DOCK2: variants seen among roughly 807,000 people sequenced by gnomAD.
The protein encoded by DOCK2 is dedicator of cytokinesis protein 2.
Under a neutral mutation model 248.9 loss-of-function variants are expected in DOCK2, and 87 were observed. The observed-to-expected ratio is 0.35, with a 90% CI of 0.29 to 0.42. The LOEUF is 0.42. Among genes scored for constraint, DOCK2 ranks in the 10% least tolerant of loss-of-function variants. DOCK2 has a pLI of 1.00. For missense variants in DOCK2, 1,747 were observed against 2,300.2 expected (o/e 0.76, Z 4.92); for synonymous variants, 805 against 821.6 (o/e 0.98, Z 0.35).
intron 38 of DOCK2, 36 bp downstream of exon 38, chr5:170,042,168 G>A (rs2113844646): frequency 6.4e-7 from 1 of 1,572,458 alleles, no homozygotes; most frequent in Non-Finnish European, 8.6e-7. Context: ...TGGGGACCCT[G>A]GCCACTGGAA....
chr5:169,704,651 G>T (rs1393161535), intron 14 of DOCK2, among the ~76,000 whole-genome samples: 3 of 152,124 alleles, frequency 2.0e-5, no homozygotes, highest in African/African-American at 7.2e-5. Context: ...TGATTGGATT[G>T]TTTATAACAC....
intron 27 of DOCK2, among the ~76,000 whole-genome samples, chr5:169,843,251 C>T (rs186695353): frequency 8.1e-4 from 123 of 152,256 alleles, no homozygotes; most frequent in Non-Finnish European, 3.5e-4. Context: ...CACAAATGTA[C>T]GAAGCTGCTC....
intron 27 of DOCK2, among the ~76,000 whole-genome samples, chr5:169,890,792 CT>C (rs1773236190): frequency 6.6e-6 from 1 of 152,102 alleles, no homozygotes; most frequent in Admixed American, 6.5e-5. Flanking sequence ...CCATGTTTGA[CT>C]TTTTTGCACA....
At chr5:169,775,060 C>T (rs1362397152) in intron 25 of DOCK2, among the ~76,000 whole-genome samples, 1 of 152,174 alleles carries the variant, frequency 6.6e-6, no homozygotes, top group Non-Finnish European at 1.5e-5. Flanking sequence ...AGGCATGAGC[C>T]ACCATGCCTG....
At chr5:169,779,110 A>G (rs891178983) in intron 25 of DOCK2, among the ~76,000 whole-genome samples, 1 of 152,202 alleles carries the variant, frequency 6.6e-6, no homozygotes, top group African/African-American at 2.4e-5. Context: ...CTCTTTAAAC[A>G]AAACTACTCC....
intron 44 of DOCK2, 60 bp from the exon 45 acceptor site, chr5:170,067,450 A>G: frequency 6.5e-7 from 1 of 1,534,296 alleles, no homozygotes; most frequent in South Asian, 1.2e-5. Context: ...TACCAATAAT[A>G]TCTGTTTTTA....
Position 169,914,026 on chromosome 5 carries a change from A to G in DOCK2, c.2800-69042A>G, listed in dbSNP as rs562287098. 2.6e-5 allele frequency among the ~76,000 whole-genome samples: 4 copies of G among 152,330 alleles called. No homozygotes were observed. In the East Asian group the frequency reaches 5.8e-4, roughly 22 times the overall value. ...AGTTTACTAATAGACTTTGATGGAC[A>G]CCCAAAGATGTTTACTAAAGATGCC... On this transcript the variant is annotated intron_variant, in intron 27 of 51. Coordinates refer to ENST00000520908, the MANE Select transcript of DOCK2 (RefSeq NM_004946.3).
intron 27 of DOCK2, among the ~76,000 whole-genome samples, chr5:169,900,424 C>T (rs775332546): frequency 2.6e-5 from 4 of 152,158 alleles, no homozygotes; most frequent in South Asian, 2.1e-4. Flanking sequence ...ACTTAATTAT[C>T]GTGGCTGGGC....
At chr5:169,994,592 C>A (rs536936959) in intron 29 of DOCK2, among the ~76,000 whole-genome samples, 8 of 152,254 alleles carry the variant, frequency 5.3e-5, no homozygotes, top group African/African-American at 1.4e-4. Flanking sequence ...AGAAGGCTCT[C>A]GATCTGGACC....
At chr5:169,946,737 C>T (rs1455245466) in intron 27 of DOCK2, among the ~76,000 whole-genome samples, 1 of 152,228 alleles carries the variant, frequency 6.6e-6, no homozygotes, top group Non-Finnish European at 1.5e-5. Context: ...TAATTTCACA[C>T]AGCGATAGGC....
chr5:170,022,499 C>A (rs1469218418), intron 33 of DOCK2, among the ~76,000 whole-genome samples: 1 of 152,072 alleles, frequency 6.6e-6, no homozygotes, highest in Non-Finnish European at 1.5e-5. Flanking sequence ...AGCACTTCAT[C>A]CCAGACCATC....
At chr5:169,840,199 C>A (rs551365216) in intron 26 of DOCK2, among the ~76,000 whole-genome samples, 6 of 152,134 alleles carry the variant, frequency 3.9e-5, no homozygotes, top group Non-Finnish European at 8.8e-5. Flanking sequence ...GGCGTCTTCA[C>A]GTAGCCAGAG....
intron 36 of DOCK2, 61 bp from the exon 37 acceptor site, chr5:170,040,994 C>A: frequency 3.4e-6 from 5 of 1,473,066 alleles, no homozygotes; most frequent in Non-Finnish European, 4.7e-6. Context: ...CCTGCTTGTC[C>A]CTGCCAGGTG....
In DOCK2 at chr5:169,885,241, C is replaced by T. The variant is rs1289653325; in HGVS notation, c.2799+44389C>T. 2.6e-5 allele frequency among the ~76,000 whole-genome samples: 4 copies of T among 152,214 alleles called. No individual in the cohort carries two copies. The East Asian group carries it at 7.7e-4, about 29-fold the overall frequency. ...GTGTATGTATTTATTTAATGTGCAT[C>T]TCCTCCACTACCCTGTAGACTCCGG... On this transcript the variant is annotated intron_variant, in intron 27 of 51. Transcript: ENST00000520908.
chr5:169,692,348 C>T (rs563114703), intron 9 of DOCK2, among the ~76,000 whole-genome samples: 2 of 152,316 alleles, frequency 1.3e-5, no homozygotes, highest in South Asian at 4.1e-4. Context: ...GCCCTGCTTC[C>T]CCAATACTTT....
intron 27 of DOCK2, among the ~76,000 whole-genome samples, chr5:169,941,131 A>T (rs996079914): frequency 6.6e-6 from 1 of 152,202 alleles, no homozygotes; most frequent in African/African-American, 2.4e-5. Flanking sequence ...GGGAAAGCAC[A>T]GGGTGTCGGG....
chr5:170,026,316 C>G (rs2113829513), intron 33 of DOCK2, among the ~76,000 whole-genome samples: 1 of 152,288 alleles, frequency 6.6e-6, no homozygotes, highest in South Asian at 2.1e-4. Flanking sequence ...CTTAAACTCC[C>G]TGAGCCTCTA....
At chr5:169,943,779 G>A (rs259913) in intron 27 of DOCK2, among the ~76,000 whole-genome samples, 8,786 of 152,184 alleles carry the variant, frequency 0.058, 572 homozygotes, top group African/African-American at 0.16. Context: ...ACAGTTGACG[G>A]TAGGGTCCAG....
chr5:170,046,598 G>T (rs906303971), intron 39 of DOCK2, among the ~76,000 whole-genome samples: 1 of 152,202 alleles, frequency 6.6e-6, no homozygotes, highest in African/African-American at 2.4e-5. Context: ...TTGGTGGGGG[G>T]AAGGTATAGT....
Sources: gnomAD v4.1 joint callset for allele counts (sites outside exome capture counted in the v4.1 genomes callset) on GRCh38, gnomAD v4.1.1 for gene constraint, MANE v1.5 for transcripts, NCBI Gene and HGNC (gene_info 2026-07-23, HGNC 2026-07-21) for gene names.